NBEAL2: variants seen among roughly 807,000 people sequenced by gnomAD.
The protein encoded by NBEAL2 is neurobeachin-like protein 2.
NBEAL2 carries 160 observed loss-of-function variants against 299.8 expected under a neutral mutation model. The observed-to-expected ratio is 0.53, with a 90% CI of 0.47 to 0.61. The LOEUF (loss-of-function observed/expected upper bound fraction) is 0.61. NBEAL2 is among the 20% of genes least tolerant of loss of function. The pLI, the probability that NBEAL2 is intolerant of heterozygous loss-of-function variation, is 0.00. For synonymous variants in NBEAL2, 1,493 were observed against 1,542.3 expected (o/e 0.97, Z 0.75); for missense variants, 3,112 against 3,649.0 (o/e 0.85, Z 3.79).
Position 47,004,215 on chromosome 3 carries a change from G to A in NBEAL2, c.6020G>A (p.Gly2007Asp), listed in dbSNP as rs1314739267. 2.5e-6 allele frequency: 4 copies of A among 1,613,638 alleles called. No individual in the cohort carries two copies. The highest frequency in any genetic ancestry group is 3.4e-6 in the Non-Finnish European group (4 of 1,179,832). Residue 2007 changes from glycine (G) to aspartate (D), a missense_variant, in exon 37 of 54, where the codon GGC (glycine) becomes GAC (aspartate). By Grantham distance (94) the Gly-to-Asp change is moderately conservative. This residue lies in a region of NBEAL2 where 521 missense variants were observed against 729.6 expected (regional missense o/e 0.71). Transcript: ENST00000450053. This position sits in a 1 kb window ranked among gnomAD's most constrained non-coding sequence, Gnocchi z 5.0. The stretch of plus-strand genomic sequence containing the variant: ...TTCCTCAACTTCCCATGCAAGGTGG[G>A]CACGACCCCAGTCTCATCTCCTAGC... ...NYFLNFPCKVGTTPVSSPSQT... is the reference protein window; with the variant it reads ...NYFLNFPCKVDTTPVSSPSQT...
intron 10 of NBEAL2, 53 bp from the exon 11 acceptor site, chr3:46,993,884 C>A: frequency 6.6e-7 from 1 of 1,514,400 alleles, no homozygotes. Flanking sequence ...AGGGGGCTGC[C>A]AGCTGTGACA....
rs1311963617 is a variant in NBEAL2 at position 46,994,444 on chromosome 3, A to G, written c.1198-11A>G. 5.7e-6 allele frequency: 9 copies of G among 1,578,370 alleles called. No individual in the cohort carries two copies. Among genetic ancestry groups the G allele is most frequent in the Non-Finnish European group, 1.7e-6 (2 of 1,159,364 alleles). ...TATGTGTTCACTTCTTCCCCATACTACCTTACACAGGAGGTGTTTAAGGAG... is the reference window on the plus strand; with the variant it reads ...TATGTGTTCACTTCTTCCCCATACTGCCTTACACAGGAGGTGTTTAAGGAG... On this transcript the variant is annotated splice_polypyrimidine_tract_variant and intron_variant, in intron 11 of 53. Transcript: ENST00000450053.
chr3:46,988,133 A>T lies in NBEAL2; in HGVS notation c.52-536A>T. On this transcript the variant is annotated intron_variant, in intron 1 of 53. Coordinates refer to ENST00000450053, the MANE Select transcript of NBEAL2 (RefSeq NM_015175.3). The surrounding 1 kb of genome is among the most constrained non-coding windows in gnomAD (Gnocchi z 4.4). The stretch of plus-strand genomic sequence containing the variant: ...GGGCAAGGCAGGGCCGCACATGAGG[A>T]TGTGCGCATGTCTGGGTCTGCCTGT... The T allele has an allele frequency of 9.1e-7, 1 of 1,099,802 alleles. No homozygotes were observed. The highest frequency in any genetic ancestry group is 1.6e-5 in the South Asian group (1 of 63,602). The allele number at this position is 1,099,802 out of a possible 1,614,324, so 68.1% of individuals were successfully genotyped here.
At chr3:46,980,045 G>C (rs1477320907) in intron 1 of NBEAL2, 133 bp downstream of exon 1, 1 of 158,178 alleles carries the variant, frequency 6.3e-6, no homozygotes, top group African/African-American at 2.4e-5. Flanking sequence ...CGCGCGCAGG[G>C]CATGCTCCGG....
chr3:47,002,071 C>G lies in NBEAL2; in HGVS notation c.4934C>G (p.Ala1645Gly). Residue 1645 changes from alanine to glycine, a missense_variant, in exon 31 of 54, where the codon GCA (alanine) becomes GGA (glycine). By Grantham distance (60) the Ala-to-Gly change is moderately conservative. This residue lies in a region of NBEAL2 where 2,243 missense variants were observed against 2,538.1 expected (regional missense o/e 0.88). Coordinates refer to ENST00000450053, the MANE Select transcript of NBEAL2 (RefSeq NM_015175.3). The stretch of plus-strand genomic sequence containing the variant: ...TCCTTGGAGTCAGCCACTGATGAGG[C>G]AGGGTCCCCACTTGCAGCTGCAGCA... Reference protein sequence around the residue: ...TSSLESATDEAGSPLAAAAAA... With the variant: ...TSSLESATDEGGSPLAAAAAA... The G allele has an allele frequency of 6.4e-7, 1 of 1,552,472 alleles. No homozygotes were observed. Among genetic ancestry groups the G allele is most frequent in the African/African-American group, 1.4e-5 (1 of 73,254 alleles).
In NBEAL2 at chr3:47,006,223, T is replaced by A; in HGVS notation, c.6978T>A (p.Ile2326=). The A allele has an allele frequency of 6.2e-7, 1 of 1,613,916 alleles. No individual in the cohort carries two copies. The highest frequency in any genetic ancestry group is 8.5e-7 in the Non-Finnish European group (1 of 1,179,876). Residue 2326 remains isoleucine (I), a synonymous_variant, in exon 44 of 54, where the codon ATT becomes ATA. Coordinates refer to ENST00000450053, the MANE Select transcript of NBEAL2 (RefSeq NM_015175.3). ...GGGAACGGAAGGCTCTGGAGGGCAT[T>A]ATCAGCAACTTTGGGCAGACTCCCT... The part of the protein sequence containing the change: ...DERERKALEG[I]ISNFGQTPCQ...
chr3:46,992,673 G>C, intron 10 of NBEAL2, 118 bp downstream of exon 10: 2 of 959,414 alleles, frequency 2.1e-6, no homozygotes, highest in Non-Finnish European at 3.2e-6. Context: ...GTCTAGAAAT[G>C]GGTGTGGGTC....
intron 1 of NBEAL2, among the ~76,000 whole-genome samples, chr3:46,984,125 C>T (rs2035534580): frequency 8.4e-6 from 1 of 119,456 alleles, no homozygotes; most frequent in Admixed American, 9.7e-5. Context: ...ACAGTGAAAC[C>T]CCATCTCTAC....
intron 9 of NBEAL2, 49 bp from the exon 10 acceptor site, chr3:46,992,426 T>C (rs768651426): frequency 6.6e-7 from 1 of 1,517,092 alleles, no homozygotes; most frequent in South Asian, 1.2e-5. Flanking sequence ...CCCATCTTCC[T>C]CCTCTCTTCT....
At position 47,007,835 on chromosome 3, in the gene NBEAL2, A is replaced by C. The variant is rs747316949; in HGVS notation, c.7527A>C (p.Ala2509=). ...SCHLDVVTCL[A]LDTCGIYLIS... ...ATGCAGATGTAGTAACCTGCCTTGC[A>C]CTGGACACCTGTGGCATCTACCTCA... Residue 2509 remains alanine, a synonymous_variant, in exon 49 of 54, where the codon GCA becomes GCC. Coordinates refer to ENST00000450053, the MANE Select transcript of NBEAL2 (RefSeq NM_015175.3). 2.5e-6 allele frequency: 4 copies of C among 1,613,520 alleles called. No individual in the cohort carries two copies. The highest frequency in any genetic ancestry group is 3.4e-6 in the Non-Finnish European group (4 of 1,179,762).
Position 47,008,374 on chromosome 3 carries a change from A to T in NBEAL2, c.7811A>T (p.His2604Leu), listed in dbSNP as rs985049560. ...LGATFPGPIF[H>L]LALGSEGQIV... The stretch of plus-strand genomic sequence containing the variant: ...GCCACATTCCCTGGACCTATTTTCC[A>T]CCTGGCATTGGGGTCCGAAGGCCAG... Residue 2604 changes from histidine to leucine, a missense_variant, in exon 51 of 54, where the codon CAC becomes CTC. Coordinates refer to ENST00000450053, the MANE Select transcript of NBEAL2 (RefSeq NM_015175.3). The T allele has an allele frequency of 1.9e-6, 3 of 1,613,632 alleles. No individual in the cohort carries two copies. In the African/African-American group the frequency reaches 4.0e-5, roughly 22 times the overall value.
chr3:47,009,138 G>A lies in NBEAL2; in HGVS notation c.8163+14G>A. The A allele has an allele frequency of 4.5e-6, 7 of 1,557,262 alleles. No individual in the cohort carries two copies. Among genetic ancestry groups the A allele is most frequent in the Non-Finnish European group, 6.1e-6 (7 of 1,154,014 alleles). ...CAGCCCTCTGAGGTGAGGATGGGGCGGGGGTGGGGAGGCCCCTCGAACGGG... is the reference window on the plus strand; with the variant it reads ...CAGCCCTCTGAGGTGAGGATGGGGCAGGGGTGGGGAGGCCCCTCGAACGGG... On this transcript the variant is annotated intron_variant, in intron 53 of 53. Coordinates refer to ENST00000450053, the MANE Select transcript of NBEAL2 (RefSeq NM_015175.3).
rs753617471 is a variant in NBEAL2, at chr3:46,988,641, C to A, written c.52-28C>A. 1.3e-6 allele frequency: 2 copies of A among 1,599,908 alleles called. No individual in the cohort carries two copies. Among genetic ancestry groups the A allele is most frequent in the Admixed American group, 1.7e-5 (1 of 59,950 alleles). On this transcript the variant is annotated intron_variant, in intron 1 of 53. Coordinates refer to ENST00000450053, the MANE Select transcript of NBEAL2 (RefSeq NM_015175.3). This position sits in a 1 kb window ranked among gnomAD's most constrained non-coding sequence, Gnocchi z 4.4. ...TGTTTACTGCATCCCTCCTGCCCCC[C>A]ACCACTGTTCCCCTGTTCTGCCTAC... is the stretch of plus-strand genomic sequence containing the variant.
At position 46,991,795 on chromosome 3, in the gene NBEAL2, G is replaced by C; in HGVS notation, c.926-45G>C. ...AGCATAGGAAGGAAGGCTTAAGGCT[G>C]CCTAGAGGGGTCTGGGCAGGGCCTG... On this transcript the variant is annotated intron_variant, in intron 8 of 53. Coordinates refer to ENST00000450053, the MANE Select transcript of NBEAL2 (RefSeq NM_015175.3). The surrounding 1 kb of genome is among the most constrained non-coding windows in gnomAD (Gnocchi z 6.2). 6.4e-7 allele frequency: 1 copy of C among 1,565,700 alleles called. No homozygotes were observed. The highest frequency in any genetic ancestry group is 1.2e-5 in the South Asian group (1 of 85,644).
chr3:46,996,563 C>T lies in NBEAL2; in HGVS notation c.2444C>T (p.Ala815Val), dbSNP rs554046933. Residue 815 changes from alanine to valine, a missense_variant, in exon 16 of 54, where the codon GCG becomes GTG. Transcript: ENST00000450053. ...GCCATCTTTCACGAAGCCCTGCAGG[C>T]GACGGCTCTGAGGACCCTGTGCACC... is the stretch of plus-strand genomic sequence containing the variant. ...AVAIFHEALQATALRTLCTLG... is the reference protein window; with the variant it reads ...AVAIFHEALQVTALRTLCTLG... The T allele has an allele frequency of 7.3e-5, 112 of 1,538,858 alleles. No homozygotes were observed. The South Asian group carries it at 9.4e-4, about 13-fold the overall frequency.
At chr3:46,984,934 T>C (rs557353312) in intron 1 of NBEAL2, among the ~76,000 whole-genome samples, 12 of 152,246 alleles carry the variant, frequency 7.9e-5, no homozygotes, top group African/African-American at 2.9e-4. Context: ...TGGAGAACTT[T>C]TACCCAAGAA....
In NBEAL2 at chr3:46,979,843, G is replaced by T. The variant is rs924091840; in HGVS notation, c.-19G>T. On this transcript the variant is annotated 5_prime_UTR_variant, in exon 1 of 54. Coordinates refer to ENST00000450053, the MANE Select transcript of NBEAL2 (RefSeq NM_015175.3). ...GCGGCGACAGGTGGCGCGCAGCAGG[G>T]CCGGAGCCGGGCCGGGCCATGGCCG... is the stretch of plus-strand genomic sequence containing the variant. The T allele has an allele frequency of 6.8e-6, 3 of 442,052 alleles. No homozygotes were observed. The highest frequency in any genetic ancestry group is 7.9e-5 in the Admixed American group (2 of 25,182). The allele number at this position is 442,052 out of a possible 1,614,324, so 27.4% of individuals were successfully genotyped here. A position where few individuals can be genotyped will look rare whatever the true frequency, so the allele number is the denominator to read the frequency against.
chr3:46,988,866 C>G lies in NBEAL2; in HGVS notation c.165C>G (p.Val55=). 1 of 1,610,394 alleles carries G rather than the reference C, an allele frequency of 6.2e-7. No homozygotes were observed. Among genetic ancestry groups the G allele is most frequent in the Non-Finnish European group, 8.5e-7 (1 of 1,177,580 alleles). Residue 55 remains valine, a synonymous_variant, in exon 3 of 54, where the codon GTC becomes GTG. Coordinates refer to ENST00000450053, the MANE Select transcript of NBEAL2 (RefSeq NM_015175.3). This position sits in a 1 kb window ranked among gnomAD's most constrained non-coding sequence, Gnocchi z 4.4. ...GGCCAGAGGAGGCAGGTGCAGAGGT[C>G]CCGCTGCTACCACTGGATGAGCTGC... ...PRRPEEAGAE[V]PLLPLDELHV...
intron 20 of NBEAL2, 44 bp from the exon 21 acceptor site, chr3:46,998,023 C>G (rs750401739): frequency 1.3e-6 from 2 of 1,519,556 alleles, no homozygotes; most frequent in South Asian, 2.5e-5. Context: ...AGACAGCAGA[C>G]AGGCAGAGCC....
Sources: gnomAD v4.1 joint callset for allele counts (sites outside exome capture counted in the v4.1 genomes callset) on GRCh38, gnomAD v4.1.1 for gene constraint, gnomAD v4.1.1 regional missense constraint, Gnocchi (gnomAD v3.1) non-coding constraint, MANE v1.5 for transcripts, NCBI Gene and HGNC (gene_info 2026-07-23, HGNC 2026-07-21) for gene names.